SDK1: variants seen among roughly 807,000 people sequenced by gnomAD.
SDK1 encodes the protein sidekick cell adhesion molecule 1.
Under a neutral mutation model 245.5 loss-of-function variants are expected in SDK1, and 157 were observed. That is an observed-to-expected ratio of 0.64 (90% CI 0.56 to 0.73). SDK1 has a LOEUF of 0.73. Ranked by LOEUF, SDK1 falls within the 30% of genes least tolerant of loss-of-function variation. The pLI is 0.00. For missense variants in SDK1, 3,583 were observed against 3,002.3 expected (o/e 1.19, Z -4.52); for synonymous variants, 1,647 against 1,278.5 (o/e 1.29, Z -6.15).
chr7:3,422,535 G>A (rs1238352980), intron 1 of SDK1, among the ~76,000 whole-genome samples: 2 of 152,170 alleles, frequency 1.3e-5, no homozygotes, highest in Non-Finnish European at 2.9e-5. Context: ...GCTCATGCCT[G>A]TAACCCTAGT....
At chr7:3,454,384 A>G (rs1780609243) in intron 1 of SDK1, among the ~76,000 whole-genome samples, 1 of 71,326 alleles carries the variant, frequency 1.4e-5, no homozygotes, top group Non-Finnish European at 3.2e-5. Context: ...GTGTTCCCCA[A>G]GATTTGTGTG....
At chr7:3,508,033 C>G (rs1173101551) in intron 1 of SDK1, among the ~76,000 whole-genome samples, 1 of 152,136 alleles carries the variant, frequency 6.6e-6, no homozygotes, top group East Asian at 1.9e-4. Flanking sequence ...TACTTATTTT[C>G]CTTCTGGCTG....
At chr7:3,651,014 A>G (rs567178966) in intron 4 of SDK1, among the ~76,000 whole-genome samples, 314 of 152,008 alleles carry the variant, frequency 2.1e-3, no homozygotes, top group South Asian at 3.5e-3. Flanking sequence ...TAAAGTTGCT[A>G]TAAACATTCT....
At chr7:3,808,139 C>A (rs1397918871) in intron 4 of SDK1, among the ~76,000 whole-genome samples, 1 of 152,160 alleles carries the variant, frequency 6.6e-6, no homozygotes, top group East Asian at 1.9e-4. Flanking sequence ...TGTGGGATGA[C>A]CGTGAGGGCT....
chr7:4,140,160 C>T (rs1257995696), intron 28 of SDK1, among the ~76,000 whole-genome samples: 5 of 152,180 alleles, frequency 3.3e-5, no homozygotes, highest in Non-Finnish European at 5.9e-5. Flanking sequence ...CAGGCCTTCT[C>T]TGCCGCCCCG....
chr7:4,198,087 A>T (rs1039582727), intron 35 of SDK1, among the ~76,000 whole-genome samples: 5 of 146,372 alleles, frequency 3.4e-5, no homozygotes, highest in Non-Finnish European at 7.6e-5. Context: ...GGACGTGGTC[A>T]CTGAGGGCGT....
At chr7:3,783,429 C>T (rs1033821140) in intron 4 of SDK1, among the ~76,000 whole-genome samples, 1 of 151,418 alleles carries the variant, frequency 6.6e-6, no homozygotes, top group Non-Finnish European at 1.5e-5. Flanking sequence ...TCACTGTTTG[C>T]TGATAACATG....
chr7:3,760,839 T>G (rs1425591499), intron 4 of SDK1, among the ~76,000 whole-genome samples: 2 of 152,242 alleles, frequency 1.3e-5, no homozygotes, highest in African/African-American at 4.8e-5. Flanking sequence ...GCAGAAAGCA[T>G]TTAAGATCTA....
intron 5 of SDK1, among the ~76,000 whole-genome samples, chr7:3,873,274 G>A (rs1357223439): frequency 6.6e-6 from 1 of 151,960 alleles, no homozygotes; most frequent in Non-Finnish European, 1.5e-5. Context: ...CTGTTTTCTT[G>A]TTTGCATGAG....
At position 3,883,948 on chromosome 7, in the gene SDK1, T is replaced by C. The variant is rs118092938; in HGVS notation, c.847+62365T>C. 2.7e-4 allele frequency among the ~76,000 whole-genome samples: 41 copies of C among 152,338 alleles called. No individual in the cohort carries two copies. The East Asian group carries it at 7.5e-3, about 28-fold the overall frequency. On this transcript the variant is annotated intron_variant, in intron 5 of 44. Coordinates refer to ENST00000404826, the MANE Select transcript of SDK1 (RefSeq NM_152744.4). ...AGTCACCAAACTTAAAAATAATCTT[T>C]AGTTGTTTCTCATTGCCAGAGGATG...
intron 5 of SDK1, among the ~76,000 whole-genome samples, chr7:3,856,537 T>TC (rs1330246419): frequency 7.3e-6 from 1 of 137,814 alleles, no homozygotes; most frequent in African/African-American, 2.7e-5. Flanking sequence ...ACGCTTGCAA[T>TC]CCCAGTACTT....
At chr7:3,951,065 G>T in intron 6 of SDK1, 31 bp downstream of exon 6, 1 of 1,462,414 alleles carries the variant, frequency 6.8e-7, no homozygotes, top group Non-Finnish European at 9.6e-7. Context: ...GAGACTCCTA[G>T]TAAATATTCC....
chr7:3,422,831 C>T (rs1312574304), intron 1 of SDK1, among the ~76,000 whole-genome samples: 1 of 152,158 alleles, frequency 6.6e-6, no homozygotes, highest in African/African-American at 2.4e-5. Flanking sequence ...ATACCAGAAA[C>T]AGCTGATCTG....
At chr7:3,964,271 C>A (rs1781924227) in intron 9 of SDK1, among the ~76,000 whole-genome samples, 2 of 152,206 alleles carry the variant, frequency 1.3e-5, no homozygotes, top group African/African-American at 4.8e-5. Flanking sequence ...CTGAGGCCCA[C>A]AAGCAGCACA....
At chr7:3,546,578 T>C (rs539690905) in intron 1 of SDK1, among the ~76,000 whole-genome samples, 2 of 152,230 alleles carry the variant, frequency 1.3e-5, no homozygotes, top group Non-Finnish European at 2.9e-5. Context: ...AGGAGAAATG[T>C]GGCACATGCC....
chr7:3,750,454 G>A (rs1418430698), intron 4 of SDK1, among the ~76,000 whole-genome samples: 1 of 152,178 alleles, frequency 6.6e-6, no homozygotes, highest in Non-Finnish European at 1.5e-5. Flanking sequence ...AGACCAGTAA[G>A]GAAGACTTTA....
chr7:4,221,455 C>T lies in SDK1; in HGVS notation c.5827+91C>T. On this transcript the variant is annotated intron_variant, in intron 40 of 44. Transcript: ENST00000404826. ...CGGGGGCTTCCATCACTTTCTCTTTCAGCATTTTCCCCCCACAAAGCTGGG... is the reference window on the plus strand; with the variant it reads ...CGGGGGCTTCCATCACTTTCTCTTTTAGCATTTTCCCCCCACAAAGCTGGG... The T allele has an allele frequency of 5.5e-6, 8 of 1,450,888 alleles. No individual in the cohort carries two copies. The South Asian group carries it at 7.9e-5, about 14-fold the overall frequency. The allele number at this position is 1,450,888 out of a possible 1,614,324, so 89.9% of individuals were successfully genotyped here.
intron 27 of SDK1, chr7:4,130,426 A>G (rs1784729838): frequency 3.0e-6 from 1 of 330,904 alleles, no homozygotes; most frequent in Non-Finnish European, 5.5e-6. Flanking sequence ...CAGGGGCTCC[A>G]CACACTTCGT....
At chr7:4,232,563 A>C (rs1785864903) in intron 40 of SDK1, among the ~76,000 whole-genome samples, 1 of 151,852 alleles carries the variant, frequency 6.6e-6, no homozygotes, top group Admixed American at 6.6e-5. Context: ...CCCAGGCTCA[A>C]GCAATCCTCC....
Sources: gnomAD v4.1 joint callset for allele counts (sites outside exome capture counted in the v4.1 genomes callset) on GRCh38, gnomAD v4.1.1 for gene constraint, MANE v1.5 for transcripts, NCBI Gene and HGNC (gene_info 2026-07-23, HGNC 2026-07-21) for gene names.